Variants in TNKS observed in about 807,000 individuals in gnomAD.
The protein encoded by TNKS is poly [ADP-ribose] polymerase tankyrase-1.
TNKS carries 72 observed loss-of-function variants against 135.8 expected under a neutral mutation model. The observed-to-expected ratio is 0.53, with a 90% CI of 0.44 to 0.64. TNKS has a LOEUF of 0.64. TNKS is among the 30% of genes least tolerant of loss of function. The pLI, the probability that TNKS is intolerant of heterozygous loss-of-function variation, is 0.00. For synonymous variants in TNKS, 849 were observed against 649.3 expected (o/e 1.31, Z -4.68); for missense variants, 1,769 against 1,674.0 (o/e 1.06, Z -0.99).
chr8:9,577,152 C>T (rs1181709122), intron 1 of TNKS, among the ~76,000 whole-genome samples: 7 of 151,064 alleles, frequency 4.6e-5, no homozygotes, highest in Admixed American at 4.6e-4. Context: ...TTTAAATGTG[C>T]ACGGAATGGT....
intron 3 of TNKS, among the ~76,000 whole-genome samples, chr8:9,628,020 A>G (rs1024210824): frequency 4.6e-5 from 7 of 152,048 alleles, no homozygotes; most frequent in African/African-American, 1.7e-4. Context: ...TTCTAAGGCC[A>G]CCTCTCGTCT....
At chr8:9,681,746 A>T (rs1471406917) in intron 5 of TNKS, among the ~76,000 whole-genome samples, 5 of 152,178 alleles carry the variant, frequency 3.3e-5, no homozygotes, top group African/African-American at 9.6e-5. Flanking sequence ...CTTTTAAAAA[A>T]TTACTTTTCT....
intron 2 of TNKS, among the ~76,000 whole-genome samples, chr8:9,594,841 C>T (rs1355678453): frequency 6.6e-6 from 1 of 152,168 alleles, no homozygotes; most frequent in Non-Finnish European, 1.5e-5. Flanking sequence ...AAAGCCACAG[C>T]TTCTTAATAA....
At chr8:9,708,611 T>C (rs1804167548) in intron 9 of TNKS, 119 bp downstream of exon 9, 3 of 1,116,592 alleles carry the variant, frequency 2.7e-6, no homozygotes, top group Admixed American at 3.1e-5. Flanking sequence ...GGAATTTGCA[T>C]GTTAATTTTG....
intron 3 of TNKS, among the ~76,000 whole-genome samples, chr8:9,665,392 G>T (rs1471792221): frequency 6.6e-6 from 1 of 152,160 alleles, no homozygotes; most frequent in East Asian, 1.9e-4. Context: ...CAGTTGCCAG[G>T]GAGTCATCAT....
chr8:9,690,890 T>C (rs1312275083), intron 5 of TNKS, among the ~76,000 whole-genome samples: 2 of 152,186 alleles, frequency 1.3e-5, no homozygotes, highest in Non-Finnish European at 1.5e-5. Flanking sequence ...TCATGTAATC[T>C]ATCTAGGATT....
intron 17 of TNKS, among the ~76,000 whole-genome samples, chr8:9,741,277 A>C (rs2128822176): frequency 6.6e-6 from 1 of 152,234 alleles, no homozygotes; most frequent in Non-Finnish European, 1.5e-5. Context: ...GTAGAACTGA[A>C]ATTAGATCTT....
chr8:9,574,758 T>C (rs1178138854), intron 1 of TNKS, among the ~76,000 whole-genome samples: 1 of 151,948 alleles, frequency 6.6e-6, no homozygotes, highest in African/African-American at 2.4e-5. Context: ...GCCTTTTTTG[T>C]TTTTTTTGGT....
chr8:9,682,874 T>C (rs1283144467), intron 5 of TNKS, among the ~76,000 whole-genome samples: 1 of 151,960 alleles, frequency 6.6e-6, no homozygotes, highest in African/African-American at 2.4e-5. Context: ...TAATTTATAA[T>C]GTATAGAACA....
chr8:9,747,573 C>A (rs1462820337), intron 17 of TNKS, among the ~76,000 whole-genome samples: 4 of 152,066 alleles, frequency 2.6e-5, no homozygotes, highest in African/African-American at 9.7e-5. Flanking sequence ...TTCAGTAAAT[C>A]TGATTGCAGT....
intron 1 of TNKS, among the ~76,000 whole-genome samples, chr8:9,563,146 C>T (rs1797402758): frequency 6.6e-6 from 1 of 151,960 alleles, no homozygotes; most frequent in Non-Finnish European, 1.5e-5. Context: ...GTTCATTCGC[C>T]ATGTTATGCA....
chr8:9,716,898 C>T (rs888026437), intron 11 of TNKS, among the ~76,000 whole-genome samples: 1 of 151,210 alleles, frequency 6.6e-6, no homozygotes, highest in Non-Finnish European at 1.5e-5. Context: ...GGGTCTGTCC[C>T]GTCTCTGGGA....
rs968487682 is a variant in TNKS, at chr8:9,575,426, T to G, written c.674-4733T>G. 4.1e-6 allele frequency: 4 copies of G among 985,100 alleles called. No individual in the cohort carries two copies. In the Admixed American group the frequency reaches 2.5e-4, roughly 61 times the overall value. 61.0% of individuals were successfully genotyped at this position (985,100 alleles called of 1,614,324 possible). ...TGGGTCAACTCTACCCTACTAGATATCTAGACTTATTCTAAAGTTATACTA... is the reference window on the plus strand; with the variant it reads ...TGGGTCAACTCTACCCTACTAGATAGCTAGACTTATTCTAAAGTTATACTA... On this transcript the variant is annotated intron_variant, in intron 1 of 26. Transcript: ENST00000310430.
chr8:9,652,822 G>A lies in TNKS; in HGVS notation c.995-27129G>A, dbSNP rs573727824. On this transcript the variant is annotated intron_variant, in intron 3 of 26. Transcript: ENST00000310430. Reference sequence around the variant, plus strand: ...TTATTTCCATTATCCCTGACCCTCAGAGCGACCACAGAAGATAAATATTAT... The same window carrying A: ...TTATTTCCATTATCCCTGACCCTCAAAGCGACCACAGAAGATAAATATTAT... Among the ~76,000 whole-genome samples the A allele has an allele frequency of 3.3e-5, 5 of 152,160 alleles. No individual in the cohort carries two copies. In the South Asian group the frequency reaches 1.0e-3, roughly 32 times the overall value.
intron 3 of TNKS, among the ~76,000 whole-genome samples, chr8:9,674,996 C>T (rs984145201): frequency 1.3e-5 from 2 of 152,056 alleles, no homozygotes; most frequent in East Asian, 3.9e-4. Flanking sequence ...GTAATTTACC[C>T]CAGTTGTTCT....
chr8:9,622,722 T>A (rs898936192), intron 3 of TNKS, among the ~76,000 whole-genome samples: 2 of 152,342 alleles, frequency 1.3e-5, no homozygotes, highest in African/African-American at 2.4e-5. Context: ...AGATTAAAGA[T>A]TATTCCTTTT....
In TNKS at chr8:9,751,987, A is replaced by C. The variant is rs549328144; in HGVS notation, c.3070+141A>C. ...TTCATACACACAACATCTTACAAGAAATATTTCTTCATAGAAGGCTGCCAC... is the reference window on the plus strand; with the variant it reads ...TTCATACACACAACATCTTACAAGACATATTTCTTCATAGAAGGCTGCCAC... On this transcript the variant is annotated intron_variant, in intron 19 of 26. Coordinates refer to ENST00000310430, the MANE Select transcript of TNKS (RefSeq NM_003747.3). 25 of 745,136 alleles carry C rather than the reference A, an allele frequency of 3.4e-5. No homozygotes were observed. The East Asian group carries it at 6.5e-4, about 19-fold the overall frequency. The allele number at this position is 745,136 out of a possible 1,614,324, so 46.2% of individuals were successfully genotyped here. A position where few individuals can be genotyped will look rare whatever the true frequency, so the allele number is the denominator to read the frequency against.
intron 2 of TNKS, among the ~76,000 whole-genome samples, chr8:9,614,856 A>AT (rs1239732782): frequency 1.3e-5 from 2 of 152,048 alleles, no homozygotes; most frequent in East Asian, 1.9e-4. Context: ...TTAAACAGTG[A>AT]TTTTTTCTTT....
In TNKS at chr8:9,673,321, A is replaced by G. The variant is rs956701260; in HGVS notation, c.995-6630A>G. Among the ~76,000 whole-genome samples, 8 of 152,168 alleles carry G rather than the reference A, an allele frequency of 5.3e-5. No individual in the cohort carries two copies. The South Asian group carries it at 1.7e-3, about 31-fold the overall frequency. ...CATTGATTGAGGTTTTTGTGTTGACATTTAATATATTACAATTTTTAAGAC... is the reference window on the plus strand; with the variant it reads ...CATTGATTGAGGTTTTTGTGTTGACGTTTAATATATTACAATTTTTAAGAC... On this transcript the variant is annotated intron_variant, in intron 3 of 26. Coordinates refer to ENST00000310430, the MANE Select transcript of TNKS (RefSeq NM_003747.3).
Sources: allele counts gnomAD v4.1 joint callset (sites outside exome capture counted in the v4.1 genomes callset), GRCh38; gene constraint gnomAD v4.1.1; transcripts MANE v1.5; gene names NCBI Gene and HGNC (gene_info 2026-07-23, HGNC 2026-07-21).